NSD1: variants seen among roughly 807,000 people sequenced by gnomAD.
The protein encoded by NSD1 is histone-lysine N-methyltransferase, H3 lysine-36 specific.
NSD1 carries 26 observed loss-of-function variants against 242.7 expected under a neutral mutation model. That is an observed-to-expected ratio of 0.11 (90% CI 0.08 to 0.15). NSD1 has a LOEUF of 0.15. Among genes scored for constraint, NSD1 ranks in the 10% least tolerant of loss-of-function variants. The pLI, the probability that NSD1 is intolerant of heterozygous loss-of-function variation, is 1.00. For missense variants in NSD1, 2,495 were observed against 3,272.8 expected (o/e 0.76, Z 5.80); for synonymous variants, 1,106 against 1,178.1 (o/e 0.94, Z 1.25).
At chr5:177,266,293 G>T in intron 14 of NSD1, 1 of 736,440 alleles carries the variant, frequency 1.4e-6, no homozygotes, top group Non-Finnish European at 2.5e-6. Flanking sequence ...GGTCTAACTT[G>T]TTGGCTTTGA....
chr5:177,182,566 C>A, intron 2 of NSD1, among the ~76,000 whole-genome samples: 1 of 152,122 alleles, frequency 6.6e-6, no homozygotes, highest in Non-Finnish European at 1.5e-5. Flanking sequence ...TGTGCCAGCA[C>A]CCCCAACTAA....
In NSD1 at chr5:177,210,207, C is replaced by T; in HGVS notation, c.1808C>T (p.Ser603Phe). Reference protein sequence around the residue: ...LPEGALISKCSREKNKPQRSL... With the variant: ...LPEGALISKCFREKNKPQRSL... Reference sequence around the variant, plus strand: ...GAGGGTGCTTTGATCTCAAAGTGTTCTCGAGAGAAGAATAAACCCCAACGA... The same window carrying T: ...GAGGGTGCTTTGATCTCAAAGTGTTTTCGAGAGAAGAATAAACCCCAACGA... Residue 603 changes from serine (S) to phenylalanine (F), a missense_variant, in exon 5 of 23, where the codon TCT (serine) becomes TTT (phenylalanine). This residue lies in a region of NSD1 where 515 missense variants were observed against 467.0 expected (regional missense o/e 1.10). Transcript: ENST00000439151. The T allele has an allele frequency of 6.3e-7, 1 of 1,596,746 alleles. No individual in the cohort carries two copies. Among genetic ancestry groups the T allele is most frequent in the Non-Finnish European group, 8.5e-7 (1 of 1,172,296 alleles).
At chr5:177,260,290 A>T in intron 14 of NSD1, 122 bp downstream of exon 14, 9 of 883,090 alleles carry the variant, frequency 1.0e-5, no homozygotes, top group Non-Finnish European at 1.6e-5. Flanking sequence ...GATACTATTC[A>T]TCTGCCATTC....
chr5:177,200,951 A>G (rs1048437434), intron 3 of NSD1, among the ~76,000 whole-genome samples: 56 of 151,190 alleles, frequency 3.7e-4, no homozygotes. Flanking sequence ...CTGGAGTGCA[A>G]TGAGGCGTGA....
intron 12 of NSD1, among the ~76,000 whole-genome samples, chr5:177,253,351 A>G (rs921289936): frequency 6.6e-6 from 1 of 152,236 alleles, no homozygotes; most frequent in Non-Finnish European, 1.5e-5. Flanking sequence ...TTTCAGGCCT[A>G]TGAGTTGATA....
At chr5:177,292,266 A>G (rs1449515640) in intron 22 of NSD1, 108 bp downstream of exon 22, 1 of 1,097,454 alleles carries the variant, frequency 9.1e-7, no homozygotes, top group Non-Finnish European at 1.4e-6. Context: ...CTTTCCATGC[A>G]TAATTTTGAG....
intron 14 of NSD1, chr5:177,265,675 GC>G: frequency 6.2e-7 from 1 of 1,609,552 alleles, no homozygotes; most frequent in East Asian, 2.2e-5. Flanking sequence ...TGGGCCGCAT[GC>G]CGATGGTGCC....
chr5:177,212,017 T>C lies in NSD1; in HGVS notation c.3618T>C (p.His1206=), dbSNP rs1041110318. 5.0e-6 allele frequency: 8 copies of C among 1,613,974 alleles called. No individual in the cohort carries two copies. In the African/African-American group the frequency reaches 9.3e-5, roughly 19 times the overall value. ...VQEGRDEFPE[H]RTPSASILEE... ...AGGGGCGGGATGAGTTTCCAGAGCA[T>C]AGAACTCCTTCAGCAAGCATACTTG... Residue 1206 remains histidine (H), a synonymous_variant, in exon 5 of 23, where the codon CAT becomes CAC. Transcript: ENST00000439151.
intron 16 of NSD1, among the ~76,000 whole-genome samples, chr5:177,272,882 C>CA (rs1302554246): frequency 2.0e-5 from 3 of 150,996 alleles, no homozygotes; most frequent in African/African-American, 4.9e-5. Flanking sequence ...GACCCTGTCT[C>CA]AAAAAAAATA....
intron 22 of NSD1, 75 bp downstream of exon 22, chr5:177,292,233 C>A: frequency 1.4e-6 from 2 of 1,480,242 alleles, no homozygotes; most frequent in Non-Finnish European, 1.9e-6. Flanking sequence ...TTTGCATCAG[C>A]CTTGAAGAAA....
chr5:177,156,374 T>A (rs2149783146), intron 2 of NSD1, among the ~76,000 whole-genome samples: 1 of 152,114 alleles, frequency 6.6e-6, no homozygotes, highest in African/African-American at 2.4e-5. Context: ...AGAGACAGGC[T>A]TTCACCATGT....
At chr5:177,248,070 C>T in intron 10 of NSD1, 111 bp from the exon 11 acceptor site, 6 of 1,552,178 alleles carry the variant, frequency 3.9e-6, no homozygotes, top group Non-Finnish European at 5.2e-6. Context: ...GAGTGATTGG[C>T]TGAACATCTG....
chr5:177,279,596 T>C (rs1758678804), intron 17 of NSD1, among the ~76,000 whole-genome samples: 1 of 151,090 alleles, frequency 6.6e-6, no homozygotes, highest in African/African-American at 2.4e-5. Context: ...TCACCTGGCT[T>C]ATCAGCTTTG....
At chr5:177,218,647 A>G (rs1763981800) in intron 5 of NSD1, among the ~76,000 whole-genome samples, 1 of 150,602 alleles carries the variant, frequency 6.6e-6, no homozygotes, top group South Asian at 2.1e-4. Context: ...GGGTCACTGC[A>G]AGCTCCACCT....
Position 177,294,335 on chromosome 5 carries a change from G to C in NSD1, c.6967G>C (p.Ala2323Pro). ...GCCACTGGACAGGCCACCAGCAGTG[G>C]CAGGACCAAGACCCCAGCTAAGCGA... ...QRPLDRPPAV[A>P]GPRPQLSDKP... Residue 2323 changes from alanine to proline, a missense_variant, in exon 23 of 23, where the codon GCA (alanine) becomes CCA (proline). Ala to Pro is a conservative substitution (Grantham distance 27). Transcript: ENST00000439151. 6.2e-7 allele frequency: 1 copy of C among 1,614,180 alleles called. No homozygotes were observed. The highest frequency in any genetic ancestry group is 8.5e-7 in the Non-Finnish European group (1 of 1,180,038).
chr5:177,245,704 C>T (rs1581427187), intron 9 of NSD1, among the ~76,000 whole-genome samples: 2 of 150,034 alleles, frequency 1.3e-5, no homozygotes, highest in Non-Finnish European at 3.0e-5. Context: ...GGCACAATCT[C>T]GGTTCACTGC....
rs769327995 is a variant in NSD1, at chr5:177,257,132, C to A, written c.4947C>A (p.Ala1649=). ...ICITCHAANP[A]NVSASKGRLM... is the part of the protein sequence containing the mutation. ...TAACCTGTCATGCTGCTAATCCAGC[C>A]AATGTTTCTGCATCTAAAGGTATGG... is the stretch of plus-strand genomic sequence containing the variant. The change falls in exon 13 of 23, where the codon GCC becomes GCA. Residue 1649 remains alanine, a synonymous_variant. Coordinates refer to ENST00000439151, the MANE Select transcript of NSD1 (RefSeq NM_022455.5). 2 of 1,613,860 alleles carry A rather than the reference C, an allele frequency of 1.2e-6. No homozygotes were observed. The highest frequency in any genetic ancestry group is 4.5e-5 in the East Asian group (2 of 44,876).
In NSD1 at chr5:177,299,069, T is replaced by C. The variant is rs1305135461; in HGVS notation, c.*3610T>C. 1 of 233,034 alleles carries C rather than the reference T, an allele frequency of 4.3e-6. No individual in the cohort carries two copies. The highest frequency in any genetic ancestry group is 6.0e-5 in the East Asian group (1 of 16,580). The allele number at this position is 233,034 out of a possible 1,614,324, so 14.4% of individuals were successfully genotyped here. On this transcript the variant is annotated 3_prime_UTR_variant, in exon 23 of 23. Transcript: ENST00000439151. ...TGGTAGTTGCTGTGGGAGCCTGTCA[T>C]TGGCTATGGCCAGTTAGTTCTCAGC...
chr5:177,145,832 C>T (rs148624527), intron 2 of NSD1, among the ~76,000 whole-genome samples: 3,854 of 147,748 alleles, frequency 0.026, 52 homozygotes, highest in Middle Eastern at 0.032. Context: ...CACTTGAACC[C>T]GGGAGGCGGA....
Sources: allele counts gnomAD v4.1 joint callset (sites outside exome capture counted in the v4.1 genomes callset), GRCh38; gene constraint gnomAD v4.1.1; regional missense constraint gnomAD v4.1.1; transcripts MANE v1.5; gene names NCBI Gene and HGNC (gene_info 2026-07-23, HGNC 2026-07-21).